Variants in C2orf49 observed in about 807,000 individuals in gnomAD.
The protein encoded by C2orf49 is tRNA-splicing ligase complex subunit ASW.
A neutral mutation model predicts 20.6 loss-of-function variants in C2orf49; 11 were observed. That is an observed-to-expected ratio of 0.53 (90% CI 0.34 to 0.88). The LOEUF (loss-of-function observed/expected upper bound fraction) is 0.88, where lower values mean the gene tolerates loss of function less well. Ranked by LOEUF, C2orf49 falls within the 40% of genes least tolerant of loss-of-function variation. The pLI is 0.02. For synonymous variants in C2orf49, 134 were observed against 108.5 expected (o/e 1.24, Z -1.46); for missense variants, 289 against 274.2 (o/e 1.05, Z -0.38).
the C2orf49 span, chr2:105,361,322 C>T: frequency 1.2e-6 from 2 of 1,614,012 alleles, no homozygotes; most frequent in Non-Finnish European, 1.7e-6. Flanking sequence ...GGATGTCGTC[C>T]CTCTCTGTGA....
chr2:105,350,942 A>G (rs1374918514), downstream of C2orf49, among the ~76,000 whole-genome samples: 2 of 152,062 alleles, frequency 1.3e-5, no homozygotes, highest in Admixed American at 1.3e-4. Flanking sequence ...TTACTGTTCC[A>G]GGATCCTACC....
chr2:105,377,401 C>T, the C2orf49 span, among the ~76,000 whole-genome samples: 1 of 152,134 alleles, frequency 6.6e-6, no homozygotes, highest in East Asian at 1.9e-4. Context: ...GAGGCCGAGG[C>T]AGGCGGATCA....
chr2:105,363,230 A>C, the C2orf49 span: 6 of 1,555,824 alleles, frequency 3.9e-6, no homozygotes, highest in Non-Finnish European at 5.3e-6. Flanking sequence ...CTAAAATGCT[A>C]GGCCTTGTTC....
At chr2:105,350,966 T>C (rs1477022961), downstream of C2orf49, among the ~76,000 whole-genome samples, 1 of 152,302 alleles carries the variant, frequency 6.6e-6, no homozygotes, top group East Asian at 1.9e-4. Flanking sequence ...GGTACCATGT[T>C]ATTTAGTTGT....
the C2orf49 span, chr2:105,376,296 C>T: frequency 1.2e-4 from 19 of 152,132 alleles, no homozygotes; most frequent in Admixed American, 9.2e-4. Context: ...AAATCCTGGT[C>T]GGGTCTGTGT....
At chr2:105,373,736 G>T in the C2orf49 span, 2 of 1,613,658 alleles carry the variant, frequency 1.2e-6, no homozygotes, top group Non-Finnish European at 1.7e-6. Context: ...GACAAGTCCT[G>T]TGGGGCCAGA....
At chr2:105,370,141 A>T in the C2orf49 span, among the ~76,000 whole-genome samples, 11,845 of 152,166 alleles carry the variant, frequency 0.078, 582 homozygotes, top group East Asian at 0.14. Flanking sequence ...TGGGAGGCTA[A>T]GGCGGGAGAT....
chr2:105,349,512 T>G (rs1413959963), downstream of C2orf49, among the ~76,000 whole-genome samples: 1 of 152,240 alleles, frequency 6.6e-6, no homozygotes, highest in Non-Finnish European at 1.5e-5. Flanking sequence ...TAAAGTGCAT[T>G]GCTTTTTCAG....
chr2:105,350,332 G>A (rs1679905505), downstream of C2orf49, among the ~76,000 whole-genome samples: 1 of 152,198 alleles, frequency 6.6e-6, no homozygotes, highest in Admixed American at 6.5e-5. Flanking sequence ...TCCAGTGAAT[G>A]AAAACGGGCA....
At chr2:105,369,621 A>G in the C2orf49 span, among the ~76,000 whole-genome samples, 16 of 152,366 alleles carry the variant, frequency 1.1e-4, no homozygotes, top group South Asian at 3.3e-3. Context: ...AACAAACATT[A>G]CATGAAGCAA....
At chr2:105,358,349 AGCCGCTG>A in the C2orf49 span, 2 of 152,344 alleles carry the variant, frequency 1.3e-5, no homozygotes, top group Admixed American at 1.3e-4. Flanking sequence ...GTGGGTTGAT[AGCCGCTG>A]GTCTTCTCAG....
chr2:105,352,429 G>GTTTTTTTTTTTTTTTTTTTTTGTTTTT (rs61585149), downstream of C2orf49, among the ~76,000 whole-genome samples: 1 of 80,758 alleles, frequency 1.2e-5, no homozygotes, highest in African/African-American at 5.1e-5. Context: ...GTTTGTTTGG[G>GTTTTTTTTTTTTTTTTTTTTTGTTTTT]TTTTTTTTTT....
chr2:105,373,900 A>G, the C2orf49 span, among the ~76,000 whole-genome samples: 2 of 152,250 alleles, frequency 1.3e-5, no homozygotes, highest in Non-Finnish European at 2.9e-5. Flanking sequence ...GCTGAAATCA[A>G]TTAAGACTAG....
chr2:105,343,628 G>C (rs1277614537), intron 3 of C2orf49, among the ~76,000 whole-genome samples: 1 of 152,096 alleles, frequency 6.6e-6, no homozygotes, highest in Non-Finnish European at 1.5e-5. Flanking sequence ...CCTTAAGTCT[G>C]TCTGTTTGTG....
At chr2:105,358,403 G>A in the C2orf49 span, 1 of 152,250 alleles carries the variant, frequency 6.6e-6, no homozygotes, top group African/African-American at 2.4e-5. Flanking sequence ...GCACTAAGCA[G>A]GCTAGGGTAG....
At chr2:105,363,322 A>G in the C2orf49 span, 3 of 1,614,068 alleles carry the variant, frequency 1.9e-6, no homozygotes, top group African/African-American at 4.0e-5. Context: ...ACTTCTTGGC[A>G]TACAAGTCAC....
chr2:105,374,984 G>A, the C2orf49 span, among the ~76,000 whole-genome samples: 11 of 152,186 alleles, frequency 7.2e-5, no homozygotes, highest in Non-Finnish European at 5.9e-5. Context: ...GCCTGCCCAC[G>A]ATGTCTCTGT....
intron 1 of C2orf49, 35 bp downstream of exon 1, chr2:105,337,721 G>GCCCCCCCCCCCCCCC: frequency 3.7e-5 from 1 of 26,792 alleles, no homozygotes; most frequent in Admixed American, 5.8e-4. Flanking sequence ...GGGCGGGTGG[G>GCCCCCCCCCCCCCCC]CCTTCCCAGG....
the C2orf49 span, among the ~76,000 whole-genome samples, chr2:105,383,907 C>T: frequency 2.6e-5 from 4 of 152,204 alleles, no homozygotes; most frequent in Non-Finnish European, 5.9e-5. Context: ...TGTAACCCCA[C>T]GTATCTCAAA....
Sources: gnomAD v4.1 joint callset for allele counts (sites outside exome capture counted in the v4.1 genomes callset) on GRCh38, gnomAD v4.1.1 for gene constraint, MANE v1.5 for transcripts, NCBI Gene and HGNC (gene_info 2026-07-23, HGNC 2026-07-21) for gene names.